Variants in NEK11 observed in about 807,000 individuals in gnomAD.
NEK11 encodes NIMA related kinase 11.
NEK11 carries 72 observed loss-of-function variants against 80.7 expected under a neutral mutation model. The observed-to-expected ratio is 0.89, with a 90% CI of 0.74 to 1.08. The LOEUF is 1.08. Among genes scored for constraint, NEK11 ranks in the 50% least tolerant of loss-of-function variants. NEK11 has a pLI of 0.00. For synonymous variants in NEK11, 251 were observed against 260.7 expected, an observed-to-expected ratio of 0.96 and a Z score of 0.36; for missense variants, 764 against 763.6, an observed-to-expected ratio of 1.00 and a Z score of -0.01.
chr3:131,269,595 A>G (rs1317718875), intron 16 of NEK11, among the ~76,000 whole-genome samples: 1 of 152,142 alleles, frequency 6.6e-6, no homozygotes. Flanking sequence ...TGAGCTTGGT[A>G]CCTCAGTTGG....
At chr3:131,149,207 A>C in intron 7 of NEK11, among the ~76,000 whole-genome samples, 1 of 151,960 alleles carries the variant, frequency 6.6e-6, no homozygotes, top group East Asian at 1.9e-4. Context: ...ATGTGTAGTC[A>C]ATGTTTAGCT....
At chr3:131,077,578 A>G (rs1410769935) in intron 3 of NEK11, among the ~76,000 whole-genome samples, 2 of 152,306 alleles carry the variant, frequency 1.3e-5, no homozygotes, top group African/African-American at 4.8e-5. Context: ...GCAAGGAAAA[A>G]TAAGTATCCT....
intron 17 of NEK11, among the ~76,000 whole-genome samples, chr3:131,338,270 T>TG: frequency 1.4e-5 from 2 of 146,822 alleles, no homozygotes; most frequent in Non-Finnish European, 3.0e-5. Flanking sequence ...CAGCTGGTTT[T>TG]TTTTTTTTTT....
chr3:131,210,045 T>C (rs111943680), intron 14 of NEK11, among the ~76,000 whole-genome samples: 8,424 of 152,268 alleles, frequency 0.055, 717 homozygotes, highest in African/African-American at 0.18. Context: ...GTATTTGCTC[T>C]TGTTTCTCTA....
At chr3:131,115,936 T>TTCTTTCTTTCTTTCTTTC (rs2081024023) in intron 5 of NEK11, among the ~76,000 whole-genome samples, 1 of 118,720 alleles carries the variant, frequency 8.4e-6, no homozygotes, top group African/African-American at 3.3e-5. Context: ...CTTTCTTTCT[T>TTCTTTCTTTCTTTCTTTC]TCTTTCTTTC....
intron 17 of NEK11, among the ~76,000 whole-genome samples, chr3:131,309,706 T>A (rs2096758838): frequency 6.6e-6 from 1 of 152,114 alleles, no homozygotes; most frequent in African/African-American, 2.4e-5. Context: ...AAGAATTCTA[T>A]AAATAAAACT....
intron 7 of NEK11, among the ~76,000 whole-genome samples, chr3:131,141,485 G>A (rs1478929665): frequency 6.6e-6 from 1 of 152,198 alleles, no homozygotes; most frequent in Non-Finnish European, 1.5e-5. Context: ...TGGCTGGCCA[G>A]AAGAACCATT....
At chr3:131,334,698 T>A (rs2097152136) in intron 17 of NEK11, among the ~76,000 whole-genome samples, 1 of 151,126 alleles carries the variant, frequency 6.6e-6, no homozygotes, top group African/African-American at 2.4e-5. Flanking sequence ...TTTGAAAGGA[T>A]CAACAAAATT....
At chr3:131,117,152 A>G (rs569966752) in intron 5 of NEK11, among the ~76,000 whole-genome samples, 110 of 152,296 alleles carry the variant, frequency 7.2e-4, no homozygotes, top group African/African-American at 2.4e-3. Context: ...GAAATTTAAT[A>G]TAAGGTGTAA....
chr3:131,257,822 G>A (rs1318541652), intron 16 of NEK11, among the ~76,000 whole-genome samples: 1 of 151,998 alleles, frequency 6.6e-6, no homozygotes. Context: ...TCACTACTGG[G>A]TATCTACCCA....
rs1175602176 is a variant in NEK11 at position 131,122,021 on chromosome 3, A to G, written c.456-10724A>G. Among the ~76,000 whole-genome samples the G allele has an allele frequency of 3.3e-5, 5 of 152,258 alleles. No homozygotes were observed. The East Asian group carries it at 9.7e-4, about 29-fold the overall frequency. Reference sequence around the variant, plus strand: ...CAAGCCCCAGTGAGATGAACCCGGTACCTCAGTTGGAAATGCAGAAATCAC... The same window carrying G: ...CAAGCCCCAGTGAGATGAACCCGGTGCCTCAGTTGGAAATGCAGAAATCAC... On this transcript the variant is annotated intron_variant, in intron 5 of 17. Transcript: ENST00000383366.
intron 5 of NEK11, among the ~76,000 whole-genome samples, chr3:131,120,075 G>A (rs1421058355): frequency 1.3e-5 from 2 of 152,132 alleles, no homozygotes; most frequent in African/African-American, 2.4e-5. Context: ...TCCTAGCATC[G>A]ATGGTCTTTA....
chr3:131,243,497 G>T lies in NEK11; in HGVS notation c.1621+1G>T, dbSNP rs757748231. 1 of 1,611,494 alleles carries T rather than the reference G, an allele frequency of 6.2e-7. No individual in the cohort carries two copies. The highest frequency in any genetic ancestry group is 1.7e-5 in the Admixed American group (1 of 59,876). ...AATGTCCTGGGTTGCACTTCTCTAG[G>T]TGAGTAAGTTCCTTTAGGCTTCAAA... On this transcript the variant is annotated splice_donor_variant, in intron 16 of 17. Transcript: ENST00000383366. LOFTEE classifies it high-confidence loss of function.
At chr3:131,243,367 AT>A in intron 15 of NEK11, 68 bp from the exon 16 acceptor site, 1 of 1,440,586 alleles carries the variant, frequency 6.9e-7, no homozygotes, top group Non-Finnish European at 9.6e-7. Flanking sequence ...TAGTAAGAAC[AT>A]TTTTCCATGT....
intron 3 of NEK11, among the ~76,000 whole-genome samples, chr3:131,057,547 CTGT>C (rs2069815295): frequency 6.6e-6 from 1 of 151,958 alleles, no homozygotes; most frequent in African/African-American, 2.4e-5. Context: ...TCTCCAGCAC[CTGT>C]TGTTTCCTGA....
chr3:131,211,887 T>C (rs60669097), intron 14 of NEK11, among the ~76,000 whole-genome samples: 19,347 of 152,118 alleles, frequency 0.13, 1,531 homozygotes, highest in Non-Finnish European at 0.17. Context: ...TTTTCAAGGC[T>C]TTTAGCTTCC....
intron 15 of NEK11, among the ~76,000 whole-genome samples, chr3:131,235,700 A>G (rs1406086245): frequency 6.6e-6 from 1 of 152,182 alleles, no homozygotes; most frequent in African/African-American, 2.4e-5. Flanking sequence ...GCCTTATCCC[A>G]TTCATACTCA....
At chr3:131,278,238 A>G (rs151116036) in intron 17 of NEK11, among the ~76,000 whole-genome samples, 97 of 152,168 alleles carry the variant, frequency 6.4e-4, no homozygotes, top group African/African-American at 2.1e-3. Flanking sequence ...CATAAATGAA[A>G]CTCCCCTACT....
At position 131,228,671 on chromosome 3, in the gene NEK11, TACAGA is replaced by T. The variant is rs1240676964; in HGVS notation, c.1547_1551del (p.Arg516LysfsTer6). ...CAGGAATGAGGGATCCCAGCCTGCTTACAGAACAAACCAACAGGTATGTAATGCTC... is the reference window on the plus strand; with the variant it reads ...CAGGAATGAGGGATCCCAGCCTGCTTACAAACCAACAGGTATGTAATGCTC... On this transcript the variant is annotated frameshift_variant, in exon 15 of 18. Transcript: ENST00000383366. LOFTEE classifies it high-confidence loss of function. 21 of 1,613,044 alleles carry T rather than the reference TACAGA, an allele frequency of 1.3e-5. No homozygotes were observed. Among genetic ancestry groups the T allele is most frequent in the Non-Finnish European group, 1.7e-5 (20 of 1,179,338 alleles).
Sources: gnomAD v4.1 joint callset for allele counts (sites outside exome capture counted in the v4.1 genomes callset) on GRCh38, gnomAD v4.1.1 for gene constraint, MANE v1.5 for transcripts, NCBI Gene and HGNC (gene_info 2026-07-23, HGNC 2026-07-21) for gene names.